CAPS2: variants seen among roughly 807,000 people sequenced by gnomAD.
CAPS2 encodes calcyphosine 2.
A neutral mutation model predicts 86.5 loss-of-function variants in CAPS2; 98 were observed. The ratio of observed to expected loss-of-function variants is 1.13; its 90% CI spans 0.96 to 1.34. The LOEUF (loss-of-function observed/expected upper bound fraction) is 1.34. Ranked by LOEUF, CAPS2 falls within the 40% of genes most tolerant of loss-of-function variation. The pLI is 0.00. For missense variants in CAPS2, 729 were observed against 686.8 expected (o/e 1.06, Z -0.69); for synonymous variants, 210 against 225.1 (o/e 0.93, Z 0.60).
rs183577637 is a variant in CAPS2, at chr12:75,300,967, G to A, written c.780-1056C>T. ...CCTTACCAGAATAACTAAAGAGTGG[G>A]GAAGAGTGCTGAATGAAGTTCGAAC... On this transcript the variant is annotated intron_variant, in intron 8 of 16. Coordinates refer to ENST00000393284, the Ensembl canonical transcript of CAPS2. 1.6e-4 allele frequency among the ~76,000 whole-genome samples: 24 copies of A among 152,264 alleles called. No individual in the cohort carries two copies. In the East Asian group the frequency reaches 4.4e-3, roughly 28 times the overall value.
At chr12:75,355,356 C>T (rs1031297525) in intron 1 of CAPS2, among the ~76,000 whole-genome samples, 15 of 152,202 alleles carry the variant, frequency 9.9e-5, no homozygotes, top group East Asian at 3.9e-4. Flanking sequence ...ATGCAGCCAA[C>T]GAACTATAAA....
At chr12:75,366,044 C>A in intron 1 of CAPS2, among the ~76,000 whole-genome samples, 1 of 152,194 alleles carries the variant, frequency 6.6e-6, no homozygotes, top group African/African-American at 2.4e-5. Flanking sequence ...AATTCTAATT[C>A]TAATGTTACT....
chr12:75,332,822 C>T (rs117312004), upstream of CAPS2, among the ~76,000 whole-genome samples: 277 of 152,176 alleles, frequency 1.8e-3, 3 homozygotes, highest in East Asian at 0.048. Flanking sequence ...AAATAAATAA[C>T]ATAAATTCAG....
chr12:75,333,779 A>T (rs781158378), upstream of CAPS2: 1 of 152,214 alleles, frequency 6.6e-6, no homozygotes, highest in Non-Finnish European at 1.5e-5. Flanking sequence ...ATTAAACAGC[A>T]TTGTAAACAA....
intron 1 of CAPS2, chr12:75,371,309 T>C: frequency 6.1e-6 from 1 of 164,194 alleles, no homozygotes; most frequent in Non-Finnish European, 1.3e-5. Context: ...ACGAGAAAGA[T>C]GAAGGCTGGA....
At chr12:75,360,439 G>T (rs2043496126) in intron 1 of CAPS2, 1 of 152,156 alleles carries the variant, frequency 6.6e-6, no homozygotes, top group Non-Finnish European at 1.5e-5. Flanking sequence ...TTGGGTAAAT[G>T]CTCCCATTCC....
intron 8 of CAPS2, among the ~76,000 whole-genome samples, chr12:75,300,113 T>C (rs2037564862): frequency 1.3e-5 from 2 of 152,162 alleles, no homozygotes; most frequent in Admixed American, 6.5e-5. Flanking sequence ...ATATAATACG[T>C]GAATGACTTT....
exon 14 of CAPS2, chr12:75,289,740 G>A (rs144198119): frequency 4.6e-4 from 749 of 1,612,152 alleles, no homozygotes; most frequent in East Asian, 1.7e-3. Flanking sequence ...GTCAAAATAC[G>A]AACACCTCTT....
chr12:75,328,354 A>G (rs559294449), upstream of CAPS2, among the ~76,000 whole-genome samples: 102 of 152,316 alleles, frequency 6.7e-4, no homozygotes, highest in Non-Finnish European at 1.1e-3. Context: ...AAATCACTAT[A>G]GGTCATTTCA....
At chr12:75,296,406 C>A (rs955100919) in intron 11 of CAPS2, among the ~76,000 whole-genome samples, 4 of 152,106 alleles carry the variant, frequency 2.6e-5, no homozygotes, top group Non-Finnish European at 5.9e-5. Context: ...ATTCTCCTGC[C>A]TCAGTCTCCC....
In CAPS2 at chr12:75,278,901, A is replaced by G. The variant is rs145087319; in HGVS notation, c.1777T>C (p.Trp593Arg). Residue 593 changes from tryptophan to arginine, a missense_variant, in exon 17 of 17, where the codon TGG (tryptophan) becomes CGG (arginine). By Grantham distance (101) the Trp-to-Arg change is moderately radical. Transcript: ENST00000393284. ...TGTATTATTAAAGACTAAATCCCCC[A>G]TGGAGTACGTAAGATGTTAACAAAG... 1.9e-6 allele frequency: 3 copies of G among 1,573,528 alleles called. No homozygotes were observed. In the African/African-American group the frequency reaches 4.1e-5, roughly 22 times the overall value.
At chr12:75,325,105 A>C in intron 2 of CAPS2, 134 bp downstream of exon 3, 1 of 640,896 alleles carries the variant, frequency 1.6e-6, no homozygotes, top group Non-Finnish European at 2.4e-6. Context: ...TTTTCAGGCT[A>C]TCCATATGCA....
chr12:75,314,242 G>A (rs2039526757), intron 6 of CAPS2, among the ~76,000 whole-genome samples: 1 of 151,962 alleles, frequency 6.6e-6, no homozygotes, highest in Non-Finnish European at 1.5e-5. Flanking sequence ...TAATAATAAT[G>A]TTAAACCAAA....
At chr12:75,343,866 T>G in intron 1 of CAPS2, 1 of 1,612,946 alleles carries the variant, frequency 6.2e-7, no homozygotes, top group Non-Finnish European at 8.5e-7. Flanking sequence ...CCATTACGGC[T>G]TGGTATAATG....
intron 1 of CAPS2, among the ~76,000 whole-genome samples, chr12:75,388,834 T>C (rs1398336061): frequency 6.6e-6 from 1 of 152,194 alleles, no homozygotes; most frequent in Non-Finnish European, 1.5e-5. Flanking sequence ...GTTGTAAATG[T>C]ACTACTCTGT....
At chr12:75,289,699 G>A in exon 14 of CAPS2, 1 of 1,612,768 alleles carries the variant, frequency 6.2e-7, no homozygotes, top group Non-Finnish European at 8.5e-7. Flanking sequence ...TTCCTTCCTT[G>A]TCCAACTGTT....
chr12:75,334,647 C>T, upstream of CAPS2: 2 of 1,548,440 alleles, frequency 1.3e-6, no homozygotes, highest in Non-Finnish European at 8.7e-7. Context: ...GAGCGTGGTG[C>T]GGGGGCGTGG....
chr12:75,359,811 A>T (rs2043446425), intron 1 of CAPS2: 1 of 152,186 alleles, frequency 6.6e-6, no homozygotes, highest in African/African-American at 2.4e-5. Context: ...CAACTACAAA[A>T]ATTAACTCAA....
chr12:75,316,891 G>T (rs939323005), intron 5 of CAPS2, among the ~76,000 whole-genome samples: 11 of 152,094 alleles, frequency 7.2e-5, no homozygotes, highest in African/African-American at 2.4e-4. Context: ...TGAGGTAAAA[G>T]ATTCTTTGGG....
Sources: allele counts gnomAD v4.1 joint callset (sites outside exome capture counted in the v4.1 genomes callset), GRCh38; gene constraint gnomAD v4.1.1; transcripts MANE v1.5; gene names NCBI Gene and HGNC (gene_info 2026-07-23, HGNC 2026-07-21).